The following GPHN variants were observed in gnomAD, a reference collection of about 807,000 sequenced individuals.
GPHN encodes the protein gephyrin.
GPHN carries 17 observed loss-of-function variants against 95.5 expected under a neutral mutation model. That is an observed-to-expected ratio of 0.18 (90% CI 0.12 to 0.27). The LOEUF (loss-of-function observed/expected upper bound fraction) is 0.27. Ranked by LOEUF, GPHN falls within the 10% of genes least tolerant of loss-of-function variation. The pLI is 1.00. For missense variants in GPHN, 660 were observed against 978.1 expected, an observed-to-expected ratio of 0.67 and a Z score of 4.34; for synonymous variants, 320 against 322.5, an observed-to-expected ratio of 0.99 and a Z score of 0.08.
intron 2 of GPHN, among the ~76,000 whole-genome samples, chr14:66,769,263 GTTTT>G (rs2059075364): frequency 1.3e-5 from 2 of 151,926 alleles, no homozygotes; most frequent in Admixed American, 6.6e-5. Flanking sequence ...ATCTGATATA[GTTTT>G]AAAAAGTATT....
At chr14:67,236,761 C>T in the GPHN span, among the ~76,000 whole-genome samples, 2 of 151,982 alleles carry the variant, frequency 1.3e-5, no homozygotes, top group African/African-American at 4.8e-5. Flanking sequence ...TGTTGGTTTG[C>T]TTTTTGTTAT....
chr14:66,609,572 ATC>A (rs1209639414), intron 1 of GPHN, among the ~76,000 whole-genome samples: 2 of 152,038 alleles, frequency 1.3e-5, no homozygotes, highest in African/African-American at 4.8e-5. Context: ...ATGCCAATGA[ATC>A]CTAGGTTTGG....
intron 1 of GPHN, among the ~76,000 whole-genome samples, chr14:66,510,823 T>A (rs1191527238): frequency 1.3e-5 from 2 of 152,094 alleles, no homozygotes; most frequent in Non-Finnish European, 2.9e-5. Flanking sequence ...GTAGGTGGCA[T>A]AGGTAAAATG....
chr14:67,317,592 T>C, the GPHN span: 1 of 646,994 alleles, frequency 1.5e-6, no homozygotes, highest in Non-Finnish European at 2.5e-6. Context: ...TAGTAGAAAG[T>C]ATTTTCTTTT....
the GPHN span, among the ~76,000 whole-genome samples, chr14:67,712,657 C>T: frequency 3.3e-5 from 5 of 152,108 alleles, no homozygotes; most frequent in Admixed American, 6.5e-5. Flanking sequence ...AATCTCATTA[C>T]TATATTTCAT....
intron 2 of GPHN, among the ~76,000 whole-genome samples, chr14:66,702,611 A>T (rs1566840542): frequency 6.6e-6 from 1 of 152,172 alleles, no homozygotes; most frequent in South Asian, 2.1e-4. Flanking sequence ...AACAGCATCG[A>T]CAACAACAAC....
chr14:67,395,325 C>G, the GPHN span: 75 of 1,346,978 alleles, frequency 5.6e-5, no homozygotes, highest in African/African-American at 1.0e-3. Flanking sequence ...ACAGAGCCCC[C>G]CCAAGGGGCA....
In GPHN at chr14:66,915,912, G is replaced by A. The variant is rs965208519; in HGVS notation, c.390-91G>A. ...TTATTCCTAAAACAGTTGTTCACAT[G>A]TAAAGTAAAATGATTGTTATTTGTT... On this transcript the variant is annotated intron_variant, in intron 5 of 22. Coordinates refer to ENST00000478722, the MANE Select transcript of GPHN (RefSeq NM_020806.5). 3 of 795,056 alleles carry A rather than the reference G, an allele frequency of 3.8e-6. No homozygotes were observed. The South Asian group carries it at 4.1e-5, about 11-fold the overall frequency. 49.3% of individuals were successfully genotyped at this position (795,056 alleles called of 1,614,324 possible). A position where few individuals can be genotyped will look rare whatever the true frequency, so the allele number is the denominator to read the frequency against.
chr14:66,639,904 A>C (rs1489414143), intron 1 of GPHN, among the ~76,000 whole-genome samples: 1 of 152,166 alleles, frequency 6.6e-6, no homozygotes, highest in Non-Finnish European at 1.5e-5. Flanking sequence ...ATGTAAATGT[A>C]AGTAGTGCTT....
chr14:67,159,347 C>G lies in GPHN; in HGVS notation c.1837-68C>G, dbSNP rs898697606. On this transcript the variant is annotated intron_variant, in intron 18 of 22. Coordinates refer to ENST00000478722, the MANE Select transcript of GPHN (RefSeq NM_020806.5). Reference sequence around the variant, plus strand: ...ATTTCAATCTTATTAATTTAATGTTCATTTAAAGTGTTGAAAGTCTAATAT... The same window carrying G: ...ATTTCAATCTTATTAATTTAATGTTGATTTAAAGTGTTGAAAGTCTAATAT... The G allele has an allele frequency of 8.9e-6, 8 of 897,212 alleles. No homozygotes were observed. The African/African-American group carries it at 1.3e-4, about 15-fold the overall frequency. The allele number at this position is 897,212 out of a possible 1,614,324, so 55.6% of individuals were successfully genotyped here.
At chr14:66,618,622 C>G (rs1331562282) in intron 1 of GPHN, among the ~76,000 whole-genome samples, 4 of 151,912 alleles carry the variant, frequency 2.6e-5, no homozygotes, top group Non-Finnish European at 5.9e-5. Context: ...ATTTAATGTC[C>G]TTGGTCATTT....
intron 1 of GPHN, among the ~76,000 whole-genome samples, chr14:66,591,892 C>G (rs537985946): frequency 6.6e-6 from 1 of 152,178 alleles, no homozygotes; most frequent in African/African-American, 2.4e-5. Context: ...ATCATGCTAC[C>G]TGAATTCAAA....
At chr14:66,841,373 C>G (rs2153508045) in intron 4 of GPHN, among the ~76,000 whole-genome samples, 1 of 152,144 alleles carries the variant, frequency 6.6e-6, no homozygotes, top group South Asian at 2.1e-4. Context: ...GTATGCCACC[C>G]TTAGTGTAAC....
chr14:67,377,349 GC>G, the GPHN span, among the ~76,000 whole-genome samples: 27 of 150,500 alleles, frequency 1.8e-4, no homozygotes, highest in Admixed American at 1.2e-3. Context: ...TCCAGCCTCA[GC>G]TGTTCCACAT....
intron 9 of GPHN, among the ~76,000 whole-genome samples, chr14:67,022,716 C>T (rs535650980): frequency 6.7e-6 from 1 of 149,600 alleles, no homozygotes; most frequent in Admixed American, 6.7e-5. Context: ...TGCAACATTC[C>T]TTTCATAAGT....
At chr14:67,517,055 G>T in the GPHN span, among the ~76,000 whole-genome samples, 9 of 152,218 alleles carry the variant, frequency 5.9e-5, no homozygotes, top group African/African-American at 1.7e-4. Flanking sequence ...GCTGGAGATA[G>T]GTCAGGGAAA....
rs975780412 is a variant in GPHN, at chr14:66,675,728, A to G, written c.65-5379A>G. On this transcript the variant is annotated intron_variant, in intron 1 of 22. Transcript: ENST00000478722. The stretch of plus-strand genomic sequence containing the variant: ...ATTTCTTATATGTTTTCTTGTAGTT[A>G]TTTTGTAATTTCAGGTCACAGGTTT... Among the ~76,000 whole-genome samples, 6 of 152,094 alleles carry G rather than the reference A, an allele frequency of 3.9e-5. No homozygotes were observed. In the East Asian group the frequency reaches 7.7e-4, roughly 20 times the overall value.
intron 1 of GPHN, among the ~76,000 whole-genome samples, chr14:66,561,195 A>C (rs978800204): frequency 6.6e-6 from 1 of 152,130 alleles, no homozygotes. Context: ...ATATTGGTCT[A>C]AAATCTCTTT....
rs141669936 is a variant in GPHN at position 66,718,069 on chromosome 14, C to T, written c.143+36884C>T. Among the ~76,000 whole-genome samples the T allele has an allele frequency of 7.4e-4, 112 of 152,240 alleles. 2 individuals are homozygous for T. The highest frequency in any genetic ancestry group is 5.4e-3 in the Admixed American group (82 of 15,296). ...GAGGTGGGTGGGGCCCTAGAATGCCCGAGTGTACACCCTTTGTGTTCAGCT... is the reference window on the plus strand; with the variant it reads ...GAGGTGGGTGGGGCCCTAGAATGCCTGAGTGTACACCCTTTGTGTTCAGCT... On this transcript the variant is annotated intron_variant, in intron 2 of 22. Transcript: ENST00000478722.
Sources: allele counts gnomAD v4.1 joint callset (sites outside exome capture counted in the v4.1 genomes callset), GRCh38; gene constraint gnomAD v4.1.1; transcripts MANE v1.5; gene names NCBI Gene and HGNC (gene_info 2026-07-23, HGNC 2026-07-21).